CADM2: variants seen among roughly 807,000 people sequenced by gnomAD.
CADM2 encodes cell adhesion molecule 2.
Under a neutral mutation model 49.8 loss-of-function variants are expected in CADM2, and 12 were observed. That is an observed-to-expected ratio of 0.24 (90% CI 0.15 to 0.39). The LOEUF is 0.39. Among genes scored for constraint, CADM2 ranks in the 10% least tolerant of loss-of-function variants. The probability of loss-of-function intolerance (pLI) is 1.00; values close to 1 mark genes in which losing one functional copy is unlikely to be tolerated. For missense variants in CADM2, 378 were observed against 492.3 expected, an observed-to-expected ratio of 0.77 and a Z score of 2.20; for synonymous variants, 214 against 175.4, an observed-to-expected ratio of 1.22 and a Z score of -1.74.
At chr3:85,449,468 A>C (rs1294018029) in intron 1 of CADM2, among the ~76,000 whole-genome samples, 1 of 152,084 alleles carries the variant, frequency 6.6e-6, no homozygotes, top group African/African-American at 2.4e-5. Flanking sequence ...CTTGAGTGTT[A>C]AATAGTTTTA....
chr3:86,022,611 A>T (rs372834894), intron 8 of CADM2, among the ~76,000 whole-genome samples: 1 of 152,274 alleles, frequency 6.6e-6, no homozygotes, highest in African/African-American at 2.4e-5. Flanking sequence ...CTGTTTCTAC[A>T]GTTTGAGTAA....
At chr3:85,106,590 G>A (rs983225957) in intron 1 of CADM2, among the ~76,000 whole-genome samples, 1 of 152,168 alleles carries the variant, frequency 6.6e-6, no homozygotes, top group South Asian at 2.1e-4. Context: ...TAAGGCACAA[G>A]CTCCTTCTAT....
rs567097566 is a variant in CADM2 at position 85,225,319 on chromosome 3, C to A, written c.61+265651C>A. ...TTCTCCTTGAAGAGGTCATTCACAT[C>A]CCTTGTAAGTTGGATTCCTAGGTAT... On this transcript the variant is annotated intron_variant, in intron 1 of 9. Transcript: ENST00000383699. Among the ~76,000 whole-genome samples, 4 of 152,280 alleles carry A rather than the reference C, an allele frequency of 2.6e-5. No individual in the cohort carries two copies. In the East Asian group the frequency reaches 7.7e-4, roughly 29 times the overall value.
chr3:86,026,743 G>A (rs1327946296), intron 8 of CADM2, among the ~76,000 whole-genome samples: 2 of 152,164 alleles, frequency 1.3e-5, no homozygotes, highest in Admixed American at 6.5e-5. Flanking sequence ...TAACCACTCC[G>A]TGTTGGTGTG....
intron 1 of CADM2, among the ~76,000 whole-genome samples, chr3:85,130,424 A>G (rs1284987142): frequency 6.6e-6 from 1 of 152,240 alleles, no homozygotes; most frequent in Non-Finnish European, 1.5e-5. Flanking sequence ...GTGCAAATAT[A>G]GAACCAGTGA....
chr3:84,990,342 T>C (rs890822191), intron 1 of CADM2, among the ~76,000 whole-genome samples: 46 of 151,884 alleles, frequency 3.0e-4, no homozygotes, highest in African/African-American at 1.0e-3. Flanking sequence ...TATTTTTATA[T>C]AATTTTGCTT....
intron 1 of CADM2, among the ~76,000 whole-genome samples, chr3:85,691,283 A>G (rs990001427): frequency 2.0e-5 from 3 of 152,122 alleles, no homozygotes; most frequent in African/African-American, 7.2e-5. Flanking sequence ...GAATTCCTCT[A>G]TGTGTATGTG....
intron 1 of CADM2, among the ~76,000 whole-genome samples, chr3:85,476,596 A>G (rs559061958): frequency 8.6e-5 from 3 of 34,764 alleles, no homozygotes; most frequent in South Asian, 1.5e-3. Flanking sequence ...ATGATTTGCC[A>G]GTGCACTAAA....
intron 3 of CADM2, among the ~76,000 whole-genome samples, chr3:85,842,044 T>TA (rs913186435): frequency 6.6e-6 from 1 of 152,092 alleles, no homozygotes. Context: ...CTTTTACATT[T>TA]AAAAAAATTA....
intron 1 of CADM2, among the ~76,000 whole-genome samples, chr3:85,199,229 G>A (rs1255381158): frequency 1.3e-5 from 2 of 151,774 alleles, no homozygotes; most frequent in African/African-American, 4.8e-5. Context: ...ATAGCTATTT[G>A]TATTCATTTT....
At chr3:85,734,182 A>G (rs572215285) in intron 2 of CADM2, among the ~76,000 whole-genome samples, 14 of 152,274 alleles carry the variant, frequency 9.2e-5, no homozygotes, top group South Asian at 4.1e-4. Flanking sequence ...TGTACAATTA[A>G]AAAGCTTTGG....
intron 3 of CADM2, among the ~76,000 whole-genome samples, chr3:85,830,913 C>T (rs1005575444): frequency 6.6e-6 from 1 of 151,278 alleles, no homozygotes; most frequent in African/African-American, 2.4e-5. Flanking sequence ...GCTGCTCAGG[C>T]TTGGTTTACA....
At chr3:85,112,956 C>T (rs183223040) in intron 1 of CADM2, among the ~76,000 whole-genome samples, 26 of 151,654 alleles carry the variant, frequency 1.7e-4, no homozygotes, top group African/African-American at 5.8e-4. Flanking sequence ...TTATGCATTG[C>T]ATATATACAA....
At chr3:85,634,747 A>T (rs2064410027) in intron 1 of CADM2, among the ~76,000 whole-genome samples, 1 of 152,210 alleles carries the variant, frequency 6.6e-6, no homozygotes, top group South Asian at 2.1e-4. Flanking sequence ...TAGATCAATC[A>T]TTTTAGATGC....
At chr3:85,766,148 A>C (rs2069646145) in intron 2 of CADM2, among the ~76,000 whole-genome samples, 1 of 152,104 alleles carries the variant, frequency 6.6e-6, no homozygotes, top group Non-Finnish European at 1.5e-5. Flanking sequence ...TACAAGGGCA[A>C]TGCCTGTATT....
At chr3:85,274,008 A>G (rs906432205) in intron 1 of CADM2, among the ~76,000 whole-genome samples, 1 of 151,456 alleles carries the variant, frequency 6.6e-6, no homozygotes, top group Non-Finnish European at 1.5e-5. Context: ...GTTGTCACAG[A>G]AACTACTTCA....
At chr3:85,100,181 C>A (rs1249243664) in intron 1 of CADM2, among the ~76,000 whole-genome samples, 1 of 152,120 alleles carries the variant, frequency 6.6e-6, no homozygotes. Flanking sequence ...TTTCTTTATA[C>A]TTCAGTATCT....
intron 3 of CADM2, among the ~76,000 whole-genome samples, chr3:85,819,491 T>C (rs1365418051): frequency 2.0e-5 from 3 of 152,112 alleles, no homozygotes; most frequent in African/African-American, 7.2e-5. Flanking sequence ...AAAAACTAAT[T>C]CCCGATTTTC....
intron 8 of CADM2, among the ~76,000 whole-genome samples, chr3:86,041,344 T>G (rs1351536638): frequency 1.3e-5 from 2 of 152,010 alleles, no homozygotes; most frequent in South Asian, 2.1e-4. Flanking sequence ...CCCATCTCAC[T>G]TGCAGAGACA....
Sources: gnomAD v4.1 joint callset for allele counts (sites outside exome capture counted in the v4.1 genomes callset) on GRCh38, gnomAD v4.1.1 for gene constraint, MANE v1.5 for transcripts, NCBI Gene and HGNC (gene_info 2026-07-23, HGNC 2026-07-21) for gene names.